ZFYVE21: variants seen among roughly 807,000 people sequenced by gnomAD.
ZFYVE21 encodes the protein zinc finger FYVE-type containing 21.
Under a neutral mutation model 29.5 loss-of-function variants are expected in ZFYVE21, and 21 were observed. That is an observed-to-expected ratio of 0.71 (90% confidence interval 0.50 to 1.02). ZFYVE21 has a LOEUF of 1.02. Among genes scored for constraint, ZFYVE21 ranks in the 50% least tolerant of loss-of-function variants. ZFYVE21 has a pLI of 0.00. For missense variants in ZFYVE21, 326 were observed against 335.4 expected (o/e 0.97, Z 0.22); for synonymous variants, 151 against 133.8 (o/e 1.13, Z -0.89).
At chr14:103,717,843 G>C (rs573826700) in intron 1 of ZFYVE21, among the ~76,000 whole-genome samples, 3 of 152,236 alleles carry the variant, frequency 2.0e-5, no homozygotes, top group Non-Finnish European at 4.4e-5. Flanking sequence ...TGAGTTTTGC[G>C]TTGTGAATTG....
chr14:103,727,706 C>G, intron 2 of ZFYVE21, 40 bp from the exon 3 acceptor site: 1 of 1,594,424 alleles, frequency 6.3e-7, no homozygotes, highest in Non-Finnish European at 8.5e-7. Flanking sequence ...CCGCTTGTTC[C>G]CTGCCCCTCC....
chr14:103,727,807 T>C lies in ZFYVE21; in HGVS notation c.251T>C (p.Leu84Pro), dbSNP rs199768352. The C allele has an allele frequency of 3.1e-6, 5 of 1,612,850 alleles. No individual in the cohort carries two copies. Among genetic ancestry groups the C allele is most frequent in the African/African-American group, 1.3e-5 (1 of 75,068 alleles). The stretch of plus-strand genomic sequence containing the variant: ...AGGTGCTGCAGCCAGAAGGTGCCGC[T>C]GCGGCGCATGTGCTTTGTGGACCCC... ...CDRCCSQKVP[L>P]RRMCFVDPVR... Residue 84 changes from leucine (L) to proline (P), a missense_variant, in exon 3 of 7, where the codon CTG becomes CCG. Leu to Pro is a moderately conservative substitution (Grantham distance 98). Transcript: ENST00000311141.
intron 1 of ZFYVE21, among the ~76,000 whole-genome samples, chr14:103,718,928 C>G (rs1382254793): frequency 6.6e-6 from 1 of 152,186 alleles, no homozygotes; most frequent in African/African-American, 2.4e-5. Flanking sequence ...AGGACTGTTG[C>G]TAGAGGCGTC....
At chr14:103,729,599 T>C (rs2083956981) in intron 5 of ZFYVE21, 1 of 690,736 alleles carries the variant, frequency 1.4e-6, no homozygotes, top group Non-Finnish European at 2.4e-6. Context: ...ACTAAACCCC[T>C]GGTGCATTTC....
At chr14:103,729,847 G>A (rs1338819301) in intron 5 of ZFYVE21, 1 of 1,536,188 alleles carries the variant, frequency 6.5e-7, no homozygotes. Context: ...GCCTCTGAAG[G>A]TCAGCCTCTT....
intron 3 of ZFYVE21, 153 bp downstream of exon 3, chr14:103,728,067 GCGGTT>G: frequency 1.2e-6 from 1 of 842,864 alleles, no homozygotes; most frequent in Non-Finnish European, 1.8e-6. Context: ...TCGTTTAGAA[GCGGTT>G]ATAGAGCCTT....
chr14:103,731,513 G>A (rs569359237), intron 5 of ZFYVE21: 1 of 152,290 alleles, frequency 6.6e-6, no homozygotes, highest in South Asian at 2.1e-4. Flanking sequence ...GGAGGCTGAG[G>A]CAGGAGAATC....
In ZFYVE21 at chr14:103,733,180, G is replaced by A. The variant is rs2084003000; in HGVS notation, c.*162G>A. On this transcript the variant is annotated 3_prime_UTR_variant, in exon 7 of 7. Coordinates refer to ENST00000311141, the MANE Select transcript of ZFYVE21 (RefSeq NM_024071.4). The stretch of plus-strand genomic sequence containing the variant: ...AAACAGGAGTGTTCACTTATCTAGT[G>A]CAATATGTTCACAGTTTATTAATGC... 3.6e-6 allele frequency: 3 copies of A among 839,600 alleles called. No individual in the cohort carries two copies. The highest frequency in any genetic ancestry group is 1.7e-5 in the South Asian group (1 of 57,580). 52.0% of individuals were successfully genotyped at this position (839,600 alleles called of 1,614,324 possible). A position where few individuals can be genotyped will look rare whatever the true frequency, so the allele number is the denominator to read the frequency against.
At chr14:103,722,396 C>A (rs1322491126) in intron 1 of ZFYVE21, among the ~76,000 whole-genome samples, 1 of 136,862 alleles carries the variant, frequency 7.3e-6, no homozygotes, top group Non-Finnish European at 1.5e-5. Flanking sequence ...ACTCTGCTTC[C>A]CAGGCTGGAG....
At chr14:103,732,946 A>G in intron 6 of ZFYVE21, 37 bp from the exon 7 acceptor site, 5 of 1,614,096 alleles carry the variant, frequency 3.1e-6, no homozygotes, top group Non-Finnish European at 4.2e-6. Flanking sequence ...CACAGGACCA[A>G]GCAGGCCTCA....
chr14:103,729,057 A>C (rs1271235121), intron 4 of ZFYVE21, 34 bp from the exon 5 acceptor site: 3 of 1,613,882 alleles, frequency 1.9e-6, no homozygotes, highest in Non-Finnish European at 2.5e-6. Context: ...TGAGCCTGAG[A>C]ATGACCCGAT....
intron 3 of ZFYVE21, 160 bp from the exon 4 acceptor site, chr14:103,728,748 C>G (rs776304280): frequency 8.7e-5 from 59 of 679,644 alleles, no homozygotes; most frequent in Non-Finnish European, 1.3e-4. Context: ...CCATGACTGC[C>G]TTTTTGCTCA....
chr14:103,729,417 A>G (rs933782344), intron 5 of ZFYVE21: 3 of 579,468 alleles, frequency 5.2e-6, no homozygotes, highest in Non-Finnish European at 3.1e-6. Context: ...TTGCCTCAGC[A>G]TGTCATAATG....
intron 3 of ZFYVE21, 29 bp downstream of exon 3, chr14:103,727,943 C>T: frequency 1.3e-6 from 2 of 1,575,398 alleles, no homozygotes; most frequent in Non-Finnish European, 8.7e-7. Context: ...CACAGTCCCG[C>T]GCGCTCCGCC....
In ZFYVE21 at chr14:103,715,905, C is replaced by T. The variant is rs1170727395; in HGVS notation, c.64C>T (p.Arg22Cys). 2 of 1,439,444 alleles carry T rather than the reference C, an allele frequency of 1.4e-6. No homozygotes were observed. Among genetic ancestry groups the T allele is most frequent in the Non-Finnish European group, 9.2e-7 (1 of 1,089,516 alleles). 89.2% of individuals were successfully genotyped at this position (1,439,444 alleles called of 1,614,324 possible). Residue 22 changes from arginine (R) to cysteine (C), a missense_variant, in exon 1 of 7, where the codon CGC becomes TGC. Physicochemically the swap from Arg to Cys is radical, Grantham distance 180 (BLOSUM62 -3). Coordinates refer to ENST00000311141, the MANE Select transcript of ZFYVE21 (RefSeq NM_024071.4). ...KKLVRSPSGL[R>C]MVPEHRAFGS... Reference sequence around the variant, plus strand: ...GCTGGTGCGCTCCCCGAGCGGCCTGCGCATGGTGCCCGAACACCGCGCCTT... The same window carrying T: ...GCTGGTGCGCTCCCCGAGCGGCCTGTGCATGGTGCCCGAACACCGCGCCTT...
intron 1 of ZFYVE21, chr14:103,725,653 G>A (rs767252266): frequency 1.3e-5 from 2 of 152,292 alleles, no homozygotes; most frequent in Non-Finnish European, 2.9e-5. Context: ...CGTCAGTGGG[G>A]GGCTTCAGCA....
intron 2 of ZFYVE21, 37 bp downstream of exon 2, chr14:103,726,879 G>C (rs773713999): frequency 1.9e-6 from 3 of 1,612,144 alleles, no homozygotes; most frequent in Non-Finnish European, 2.5e-6. Flanking sequence ...GGTGGGAAGA[G>C]GGGAGGGGCC....
intron 1 of ZFYVE21, among the ~76,000 whole-genome samples, chr14:103,720,856 A>C (rs998825896): frequency 1.3e-5 from 2 of 152,082 alleles, no homozygotes; most frequent in African/African-American, 2.4e-5. Flanking sequence ...ACGGAGTCTC[A>C]CTGTCACCCA....
chr14:103,728,577 C>G (rs1477305057), intron 3 of ZFYVE21, among the ~76,000 whole-genome samples: 1 of 152,184 alleles, frequency 6.6e-6, no homozygotes, highest in African/African-American at 2.4e-5. Flanking sequence ...CCTGCCAGCT[C>G]TTAGGACGTG....
Sources: gnomAD v4.1 joint callset for allele counts (sites outside exome capture counted in the v4.1 genomes callset) on GRCh38, gnomAD v4.1.1 for gene constraint, MANE v1.5 for transcripts, NCBI Gene and HGNC (gene_info 2026-07-23, HGNC 2026-07-21) for gene names.